The following FAM118A variants were observed in gnomAD, a reference collection of about 807,000 sequenced individuals.
FAM118A encodes the protein protein FAM118A.
FAM118A carries 25 observed loss-of-function variants against 38.2 expected under a neutral mutation model. That is an observed-to-expected ratio of 0.65 (90% CI 0.48 to 0.91). The LOEUF (loss-of-function observed/expected upper bound fraction) is 0.91. Ranked by LOEUF, FAM118A falls within the 40% of genes least tolerant of loss-of-function variation. FAM118A has a pLI of 0.00. For synonymous variants in FAM118A, 178 were observed against 184.1 expected (o/e 0.97, Z 0.27); for missense variants, 425 against 463.3 (o/e 0.92, Z 0.76).
In FAM118A at chr22:45,335,750, C is replaced by T. The variant is rs745971205; in HGVS notation, c.970+368C>T. Among the ~76,000 whole-genome samples the T allele has an allele frequency of 5.3e-5, 8 of 152,242 alleles. No individual in the cohort carries two copies. In the East Asian group the frequency reaches 5.8e-4, roughly 11 times the overall value. On this transcript the variant is annotated intron_variant, in intron 7 of 8. Coordinates refer to ENST00000441876, the MANE Select transcript of FAM118A (RefSeq NM_017911.4). The stretch of plus-strand genomic sequence containing the variant: ...CAGCTCTTCCGAAATGTTCGTTGCA[C>T]GGGTCTGAGCTTGCACACAGAAGCT...
At chr22:45,319,974 C>T (rs1210569845) in intron 1 of FAM118A, among the ~76,000 whole-genome samples, 1 of 152,174 alleles carries the variant, frequency 6.6e-6, no homozygotes, top group Non-Finnish European at 1.5e-5. Context: ...GCTGTGAACT[C>T]TCCCTAGGAA....
At chr22:45,312,556 C>A (rs992720144) in intron 1 of FAM118A, among the ~76,000 whole-genome samples, 4 of 152,180 alleles carry the variant, frequency 2.6e-5, no homozygotes, top group African/African-American at 9.7e-5. Context: ...CACCTGTAAT[C>A]TCAGCTACTC....
chr22:45,330,413 G>A, intron 4 of FAM118A, 190 bp from the exon 5 acceptor site: 1 of 485,384 alleles, frequency 2.1e-6, no homozygotes, highest in East Asian at 4.0e-5. Flanking sequence ...TACCGTCGTA[G>A]GACGGGAATA....
Position 45,340,886 on chromosome 22 carries a change from A to G in FAM118A, c.*481A>G, listed in dbSNP as rs2350630. ...GTACGATCTCAAGCTCACTGCAGCC[A>G]CCACCGCCTGGGCTCAAGTGATTCT... On this transcript the variant is annotated 3_prime_UTR_variant, in exon 9 of 9. Coordinates refer to ENST00000441876, the MANE Select transcript of FAM118A (RefSeq NM_017911.4). 0.87 allele frequency: 133,737 copies of G among 153,536 alleles called. 58,351 individuals are homozygous for G. The highest frequency in any genetic ancestry group is 0.91 in the African/African-American group (37,869 of 41,516). 9.5% of individuals were successfully genotyped at this position (153,536 alleles called of 1,614,324 possible).
At chr22:45,336,749 G>A (rs2086127839) in intron 8 of FAM118A, among the ~76,000 whole-genome samples, 1 of 152,312 alleles carries the variant, frequency 6.6e-6, no homozygotes, top group Admixed American at 6.5e-5. Context: ...GGTCAGCTCC[G>A]CATTTTTGCG....
At chr22:45,330,522 G>T in intron 4 of FAM118A, 81 bp from the exon 5 acceptor site, 1 of 1,385,604 alleles carries the variant, frequency 7.2e-7, no homozygotes, top group South Asian at 1.7e-5. Context: ...TAAAAACTAT[G>T]AATCCATTTT....
intron 1 of FAM118A, among the ~76,000 whole-genome samples, chr22:45,320,380 CA>C (rs111763932): frequency 2.7e-5 from 4 of 148,556 alleles, no homozygotes; most frequent in Non-Finnish European, 4.5e-5. Flanking sequence ...GAGACTCCAT[CA>C]AAAAAAAACA....
chr22:45,319,678 A>G (rs974996030), intron 1 of FAM118A, among the ~76,000 whole-genome samples: 1 of 152,206 alleles, frequency 6.6e-6, no homozygotes, highest in African/African-American at 2.4e-5. Flanking sequence ...TGCTTATATT[A>G]TTAATAGATG....
Position 45,323,336 on chromosome 22 carries a change from A to G in FAM118A, c.209A>G (p.His70Arg), listed in dbSNP as rs1298422810. ...GCTGCAGAGCAGCTGGAGGTGCTGC[A>G]CCCCGGAGACGTCGCCGAGTTCCGG... ...IEAAEQLEVL[H>R]PGDVAEFRRK... Residue 70 changes from histidine to arginine, a missense_variant, in exon 3 of 9, where the codon CAC (histidine) becomes CGC (arginine). By Grantham distance (29) the His-to-Arg change is conservative. Coordinates refer to ENST00000441876, the MANE Select transcript of FAM118A (RefSeq NM_017911.4). 1 of 1,613,996 alleles carries G rather than the reference A, an allele frequency of 6.2e-7. No homozygotes were observed. The highest frequency in any genetic ancestry group is 1.3e-5 in the African/African-American group (1 of 74,896).
At chr22:45,337,986 T>C (rs2086224901) in intron 8 of FAM118A, 1 of 788,430 alleles carries the variant, frequency 1.3e-6, no homozygotes, top group Admixed American at 6.2e-5. Context: ...TTGCTTTTTT[T>C]CCTGGGAGTT....
intron 1 of FAM118A, chr22:45,318,280 C>T (rs1175862689): frequency 2.6e-5 from 4 of 152,116 alleles, no homozygotes; most frequent in Admixed American, 2.6e-4. Context: ...CCAGATTTTG[C>T]TTTCAGAAAT....
At chr22:45,319,365 G>A (rs1469070967) in intron 1 of FAM118A, among the ~76,000 whole-genome samples, 1 of 152,144 alleles carries the variant, frequency 6.6e-6, no homozygotes, top group Non-Finnish European at 1.5e-5. Flanking sequence ...GCGGGAGTAG[G>A]GGGCACTTGA....
chr22:45,340,249 T>C, intron 8 of FAM118A, 137 bp from the exon 9 acceptor site: 1 of 896,818 alleles, frequency 1.1e-6, no homozygotes, highest in Non-Finnish European at 1.8e-6. Flanking sequence ...GGCTACTGTT[T>C]CCATTGTGGA....
chr22:45,320,049 C>G (rs749276247), intron 1 of FAM118A, among the ~76,000 whole-genome samples: 15 of 152,216 alleles, frequency 9.9e-5, no homozygotes, highest in Non-Finnish European at 1.0e-4. Context: ...CCATTTAGCT[C>G]TGCGATCTAA....
intron 5 of FAM118A, 142 bp from the exon 6 acceptor site, chr22:45,332,283 C>T (rs1382802705): frequency 7.6e-6 from 3 of 395,190 alleles, no homozygotes; most frequent in Non-Finnish European, 1.0e-5. Context: ...GGATACTGTC[C>T]TTCTAACTGT....
At chr22:45,335,298 G>C in intron 6 of FAM118A, 52 bp from the exon 7 acceptor site, 2 of 1,611,160 alleles carry the variant, frequency 1.2e-6, no homozygotes, top group Non-Finnish European at 1.7e-6. Context: ...TGGCCGAGGA[G>C]GACGAGCTCT....
intron 6 of FAM118A, 135 bp downstream of exon 6, chr22:45,332,845 C>G: frequency 1.1e-6 from 1 of 888,848 alleles, no homozygotes; most frequent in Non-Finnish European, 1.7e-6. Context: ...CTCCTAGGTT[C>G]AAGGGATTCT....
chr22:45,311,051 G>C (rs1254195645), intron 1 of FAM118A, among the ~76,000 whole-genome samples: 2 of 152,192 alleles, frequency 1.3e-5, no homozygotes, highest in East Asian at 3.8e-4. Flanking sequence ...GGAGGAAGCT[G>C]TGTCGTCGCT....
At chr22:45,339,964 C>T (rs540234597) in intron 8 of FAM118A, among the ~76,000 whole-genome samples, 17 of 152,344 alleles carry the variant, frequency 1.1e-4, no homozygotes, top group South Asian at 2.1e-4. Context: ...AGCTCCTGGC[C>T]TCTGTTGTAC....
Sources: allele counts gnomAD v4.1 joint callset (sites outside exome capture counted in the v4.1 genomes callset), GRCh38; gene constraint gnomAD v4.1.1; transcripts MANE v1.5; gene names NCBI Gene and HGNC (gene_info 2026-07-23, HGNC 2026-07-21).